Variants in ROPN1B observed in about 807,000 individuals in gnomAD.
ROPN1B encodes ropporin-1B.
A neutral mutation model predicts 23.7 loss-of-function variants in ROPN1B; 13 were observed. The ratio of observed to expected loss-of-function variants is 0.55; its 90% CI spans 0.36 to 0.87. The LOEUF is 0.87. Among genes scored for constraint, ROPN1B ranks in the 40% least tolerant of loss-of-function variants. ROPN1B has a pLI of 0.01. For synonymous variants in ROPN1B, 67 were observed against 100.4 expected (o/e 0.67, Z 1.99); for missense variants, 183 against 249.2 (o/e 0.73, Z 1.79).
chr3:125,979,746 A>G (rs527402357), intron 5 of ROPN1B, among the ~76,000 whole-genome samples: 18 of 152,354 alleles, frequency 1.2e-4, no homozygotes, highest in Non-Finnish European at 2.2e-4. Flanking sequence ...TGCGAATTCA[A>G]CGGCAAGACA....
chr3:125,976,245 G>C (rs1402221996), intron 4 of ROPN1B, among the ~76,000 whole-genome samples: 1 of 152,210 alleles, frequency 6.6e-6, no homozygotes, highest in Non-Finnish European at 1.5e-5. Flanking sequence ...TATGATCCAG[G>C]ACAGAGCGGT....
chr3:125,972,050 A>T lies in ROPN1B; in HGVS notation c.-5A>T. 2 of 1,613,858 alleles carry T rather than the reference A, an allele frequency of 1.2e-6. No individual in the cohort carries two copies. Among genetic ancestry groups the T allele is most frequent in the Non-Finnish European group, 1.7e-6 (2 of 1,179,776 alleles). ...TTTTTCTCCTGAGAATAGGTCAACC[A>T]ATCAATGGCTCAGACAGATAAGCCA... is the stretch of plus-strand genomic sequence containing the variant. On this transcript the variant is annotated 5_prime_UTR_variant, in exon 3 of 7. Coordinates refer to ENST00000514116, the MANE Select transcript of ROPN1B (RefSeq NM_001308313.2).
chr3:125,971,923 T>G, intron 2 of ROPN1B, 120 bp from the exon 3 acceptor site: 1 of 792,740 alleles, frequency 1.3e-6, no homozygotes, highest in Non-Finnish European at 1.9e-6. Context: ...TAGAATGCAT[T>G]TGTCTTGCGG....
chr3:125,977,890 A>G (rs1428347083), intron 5 of ROPN1B: 3 of 152,430 alleles, frequency 2.0e-5, no homozygotes, highest in Admixed American at 2.0e-4. Context: ...GATACATAAA[A>G]GTTTGAAAAT....
rs181243585 is a variant in ROPN1B at position 125,977,293 on chromosome 3, C to T, written c.396+128C>T. On this transcript the variant is annotated intron_variant, in intron 5 of 6. Transcript: ENST00000514116. ...TAAACATGCCTCTTCTCCTATTGTC[C>T]TTCTCCTCTCTAAAGCAAGGTCATT... The T allele has an allele frequency of 9.3e-3, 13,367 of 1,438,908 alleles. 87 individuals carry two copies. Among genetic ancestry groups the T allele is most frequent in the Non-Finnish European group, 0.011 (11,163 of 1,030,752 alleles). The allele number at this position is 1,438,908 out of a possible 1,614,324, so 89.1% of individuals were successfully genotyped here.
At position 125,980,881 on chromosome 3, in the gene ROPN1B, C is replaced by T. The variant is rs186290968; in HGVS notation, c.397-1389C>T. On this transcript the variant is annotated intron_variant, in intron 5 of 6. Transcript: ENST00000514116. ...ATGACTTACCATCCTCCCAGATAGC[C>T]GCATATATACTTGTTAGCCCCATGC... is the stretch of plus-strand genomic sequence containing the variant. Among the ~76,000 whole-genome samples the T allele has an allele frequency of 1.6e-4, 24 of 152,224 alleles. No individual in the cohort carries two copies. The East Asian group carries it at 3.1e-3, about 20-fold the overall frequency.
intron 5 of ROPN1B, among the ~76,000 whole-genome samples, chr3:125,980,888 A>G (rs1054115006): frequency 1.3e-5 from 2 of 152,150 alleles, no homozygotes; most frequent in African/African-American, 4.8e-5. Flanking sequence ...AGCCGCATAT[A>G]TACTTGTTAG....
At chr3:125,982,486 G>A (rs765498697) in intron 6 of ROPN1B, 41 bp downstream of exon 6, 6 of 1,542,462 alleles carry the variant, frequency 3.9e-6, no homozygotes, top group East Asian at 4.7e-5. Flanking sequence ...AGAATACCAG[G>A]AAAACAAATC....
chr3:125,973,512 A>C (rs1938291905), intron 3 of ROPN1B: 1 of 171,410 alleles, frequency 5.8e-6, no homozygotes, highest in African/African-American at 2.4e-5. Flanking sequence ...AGATAGACAG[A>C]CTTTATCTTA....
At chr3:125,977,998 T>A (rs1408597117) in intron 5 of ROPN1B, 1 of 152,264 alleles carries the variant, frequency 6.6e-6, no homozygotes, top group Admixed American at 6.5e-5. Flanking sequence ...TTCTCAAATA[T>A]GCTTGGAATG....
At chr3:125,975,966 G>C (rs1246908528) in intron 4 of ROPN1B, among the ~76,000 whole-genome samples, 2 of 151,706 alleles carry the variant, frequency 1.3e-5, no homozygotes, top group Non-Finnish European at 2.9e-5. Context: ...GAAAAGTGCA[G>C]GTCCTCAGTC....
chr3:125,973,276 G>A (rs1189022273), intron 3 of ROPN1B: 2 of 345,366 alleles, frequency 5.8e-6, no homozygotes, highest in African/African-American at 2.2e-5. Context: ...TGGCACCTAA[G>A]AGGGGCCTTT....
chr3:125,972,233 A>T (rs1029450577), intron 3 of ROPN1B, 63 bp downstream of exon 3: 1 of 1,541,204 alleles, frequency 6.5e-7, no homozygotes, highest in African/African-American at 1.4e-5. Context: ...GTCCTGTAAA[A>T]CCGCGGAGGT....
intron 5 of ROPN1B, among the ~76,000 whole-genome samples, chr3:125,980,044 T>C (rs1938559867): frequency 6.6e-6 from 1 of 152,222 alleles, no homozygotes; most frequent in African/African-American, 2.4e-5. Context: ...AATGACTTTT[T>C]TTTAGCAAAT....
chr3:125,982,763 G>A (rs956531662), intron 6 of ROPN1B, among the ~76,000 whole-genome samples: 12 of 152,278 alleles, frequency 7.9e-5, no homozygotes, highest in African/African-American at 1.7e-4. Context: ...AGGAATCTGC[G>A]TATTTATAAG....
intron 5 of ROPN1B, among the ~76,000 whole-genome samples, chr3:125,978,268 A>T (rs12629558): frequency 6.6e-6 from 1 of 152,160 alleles, no homozygotes; most frequent in Non-Finnish European, 1.5e-5. Flanking sequence ...AGATAAAAAA[A>T]TGAACACATT....
chr3:125,970,843 G>A lies in ROPN1B; in HGVS notation c.-58-274G>A, dbSNP rs182518207. Among the ~76,000 whole-genome samples, 252 of 152,230 alleles carry A rather than the reference G, an allele frequency of 1.7e-3. 2 individuals carry two copies. The highest frequency in any genetic ancestry group is 6.8e-3 in the Middle Eastern group (2 of 294). On this transcript the variant is annotated intron_variant, in intron 1 of 6. Transcript: ENST00000514116. ...TTTAGTTTCTTGTCTTGGGATTTCCGAGCCATGCTGGTGTTGGTATAAATG... is the reference window on the plus strand; with the variant it reads ...TTTAGTTTCTTGTCTTGGGATTTCCAAGCCATGCTGGTGTTGGTATAAATG...
intron 6 of ROPN1B, among the ~76,000 whole-genome samples, chr3:125,982,913 G>T (rs772778347): frequency 4.2e-4 from 64 of 152,164 alleles, no homozygotes; most frequent in Non-Finnish European, 8.2e-4. Context: ...TAATCCTAGG[G>T]TGGGTGAATG....
intron 5 of ROPN1B, among the ~76,000 whole-genome samples, chr3:125,978,858 TAACA>T (rs1302624811): frequency 6.6e-6 from 1 of 152,064 alleles, no homozygotes; most frequent in Admixed American, 6.6e-5. Flanking sequence ...TACCTCAGAG[TAACA>T]AAGAGTGACT....
Sources: allele counts gnomAD v4.1 joint callset (sites outside exome capture counted in the v4.1 genomes callset), GRCh38; gene constraint gnomAD v4.1.1; transcripts MANE v1.5; gene names NCBI Gene and HGNC (gene_info 2026-07-23, HGNC 2026-07-21).